SMIM3: variants seen among roughly 807,000 people sequenced by gnomAD.
The protein encoded by SMIM3 is small integral membrane protein 3, also known as NGF-induced differentiation clone 67 protein.
Under a neutral mutation model 2.1 loss-of-function variants are expected in SMIM3, and 4 were observed. That is an observed-to-expected ratio of 1.89 (90% CI 0.93 to 4.31). The LOEUF (loss-of-function observed/expected upper bound fraction) is 4.31, where lower values mean the gene tolerates loss of function less well. SMIM3 is among the 30% of genes most tolerant of loss of function. The pLI is 0.01. For synonymous variants in SMIM3, 29 were observed against 30.8 expected (o/e 0.94, Z 0.19); for missense variants, 79 against 77.7 (o/e 1.02, Z -0.06).
intron 1 of SMIM3, among the ~76,000 whole-genome samples, chr5:150,788,633 C>CAAAA (rs765111003): frequency 1.2e-5 from 1 of 80,020 alleles, no homozygotes; most frequent in Non-Finnish European, 3.0e-5. Context: ...GACTGTGTCT[C>CAAAA]AAAAAAAAAA....
chr5:150,795,499 T>G lies in SMIM3; in HGVS notation c.59T>G (p.Ile20Ser), dbSNP rs778753787. 5 of 1,613,800 alleles carry G rather than the reference T, an allele frequency of 3.1e-6. No individual in the cohort carries two copies. The South Asian group carries it at 5.5e-5, about 18-fold the overall frequency. ...EVVLPKHILD[I>S]WVIVLIILAT... ...GTGCTTCCCAAGCACATCCTGGATA[T>G]CTGGGTTATTGTCCTCATCATCCTG... Residue 20 changes from isoleucine to serine, a missense_variant, in exon 2 of 2, where the codon ATC becomes AGC. Physicochemically the swap from Ile to Ser is moderately radical, Grantham distance 142 (BLOSUM62 -2). Transcript: ENST00000526627.
At position 150,792,094 on chromosome 5, in the gene SMIM3, C is replaced by T. The variant is rs543075997; in HGVS notation, c.-11-3336C>T. ...TCCTTGTATGTATTTCTTGGGTACT[C>T]TCCTTTGGGTATGGTGATCAATACC... On this transcript the variant is annotated intron_variant, in intron 1 of 1. Coordinates refer to ENST00000526627, the MANE Select transcript of SMIM3 (RefSeq NM_032947.5). 3.9e-5 allele frequency among the ~76,000 whole-genome samples: 6 copies of T among 152,314 alleles called. No individual in the cohort carries two copies. The East Asian group carries it at 1.2e-3, about 29-fold the overall frequency.
Position 150,795,661 on chromosome 5 carries a change from G to T in SMIM3, c.*38G>T, listed in dbSNP as rs1285460485. The T allele has an allele frequency of 6.5e-7, 1 of 1,528,460 alleles. No homozygotes were observed. The highest frequency in any genetic ancestry group is 8.8e-7 in the Non-Finnish European group (1 of 1,139,790). 94.7% of individuals were successfully genotyped at this position (1,528,460 alleles called of 1,614,324 possible). On this transcript the variant is annotated 3_prime_UTR_variant, in exon 2 of 2. Coordinates refer to ENST00000526627, the MANE Select transcript of SMIM3 (RefSeq NM_032947.5). ...AGGGCCGGGTGAGGGATGAGGACAG[G>T]CATCCTATCCCCAGCCTCTTCCTGT...
In SMIM3 at chr5:150,780,593, G is replaced by A. The variant is rs550325504; in HGVS notation, c.-12+1621G>A. Among the ~76,000 whole-genome samples, 9 of 152,224 alleles carry A rather than the reference G, an allele frequency of 5.9e-5. No individual in the cohort carries two copies. In the South Asian group the frequency reaches 6.2e-4, roughly 11 times the overall value. ...AGAACAGCCAGAGAACCACTGAGTC[G>A]CGGTGAGGTGTTAGAGATGCAAAAC... is the stretch of plus-strand genomic sequence containing the variant. On this transcript the variant is annotated intron_variant, in intron 1 of 1. Transcript: ENST00000526627.
chr5:150,790,233 C>T (rs1753336346), intron 1 of SMIM3, among the ~76,000 whole-genome samples: 1 of 152,116 alleles, frequency 6.6e-6, no homozygotes, highest in Admixed American at 6.5e-5. Flanking sequence ...GCCTGAGTTC[C>T]TGTATCTTAC....
At chr5:150,795,069 G>A (rs574735074) in intron 1 of SMIM3, among the ~76,000 whole-genome samples, 1 of 152,248 alleles carries the variant, frequency 6.6e-6, no homozygotes, top group South Asian at 2.1e-4. Flanking sequence ...CACCCATCTG[G>A]GTTCATGTTC....
chr5:150,789,726 C>T (rs1023413506), intron 1 of SMIM3, among the ~76,000 whole-genome samples: 4 of 152,068 alleles, frequency 2.6e-5, no homozygotes, highest in Admixed American at 1.3e-4. Context: ...AAGAAAGAAC[C>T]GACTTTAATT....
chr5:150,791,055 A>C (rs948955291), intron 1 of SMIM3, among the ~76,000 whole-genome samples: 1 of 152,198 alleles, frequency 6.6e-6, no homozygotes, highest in Non-Finnish European at 1.5e-5. Context: ...AACGGCATAA[A>C]ATCATGTTTT....
At chr5:150,786,107 T>C (rs1753291386) in intron 1 of SMIM3, among the ~76,000 whole-genome samples, 1 of 145,324 alleles carries the variant, frequency 6.9e-6, no homozygotes, top group Admixed American at 6.6e-5. Context: ...CCTATTTCTT[T>C]TTCTGTATTT....
At chr5:150,779,814 AG>A (rs1287335877) in intron 1 of SMIM3, among the ~76,000 whole-genome samples, 1 of 149,914 alleles carries the variant, frequency 6.7e-6, no homozygotes, top group African/African-American at 2.5e-5. Context: ...ACTGAGTGAA[AG>A]GATGAAAGGT....
At chr5:150,793,756 G>C (rs1753373733) in intron 1 of SMIM3, among the ~76,000 whole-genome samples, 2 of 152,138 alleles carry the variant, frequency 1.3e-5, no homozygotes, top group Admixed American at 6.5e-5. Flanking sequence ...CTAGACATTG[G>C]CTTAGGCAAG....
chr5:150,779,986 T>C (rs965232974), intron 1 of SMIM3, among the ~76,000 whole-genome samples: 4 of 152,120 alleles, frequency 2.6e-5, no homozygotes, highest in African/African-American at 4.8e-5. Flanking sequence ...GGTTCATCTG[T>C]GGTGAATACT....
In SMIM3 at chr5:150,796,652, A is replaced by G. The variant is rs191234206; in HGVS notation, c.*1029A>G. Reference sequence around the variant, plus strand: ...AAGAAGATAGCACAGATATCGGGATATTATTGTGTGAAAATGCTGCTTTTA... The same window carrying G: ...AAGAAGATAGCACAGATATCGGGATGTTATTGTGTGAAAATGCTGCTTTTA... On this transcript the variant is annotated 3_prime_UTR_variant, in exon 2 of 2. Coordinates refer to ENST00000526627, the MANE Select transcript of SMIM3 (RefSeq NM_032947.5). 1 of 152,508 alleles carries G rather than the reference A, an allele frequency of 6.6e-6. No individual in the cohort carries two copies. Among genetic ancestry groups the G allele is most frequent in the African/African-American group, 2.4e-5 (1 of 41,592 alleles). 9.4% of individuals were successfully genotyped at this position (152,508 alleles called of 1,614,324 possible).
chr5:150,784,533 G>C (rs573643687), intron 1 of SMIM3, among the ~76,000 whole-genome samples: 1 of 152,190 alleles, frequency 6.6e-6, no homozygotes, highest in East Asian at 1.9e-4. Context: ...CTGAGATTAG[G>C]TACCTAAAAA....
At chr5:150,785,450 A>C (rs1753280847) in intron 1 of SMIM3, among the ~76,000 whole-genome samples, 1 of 152,058 alleles carries the variant, frequency 6.6e-6, no homozygotes, top group South Asian at 2.1e-4. Flanking sequence ...TGAAGAGATC[A>C]TTCTGCTGTT....
chr5:150,795,883 G>A lies in SMIM3; in HGVS notation c.*260G>A. 2.0e-6 allele frequency: 1 copy of A among 503,376 alleles called. No homozygotes were observed. Among genetic ancestry groups the A allele is most frequent in the Admixed American group, 3.3e-5 (1 of 30,378 alleles). The allele number at this position is 503,376 out of a possible 1,614,324, so 31.2% of individuals were successfully genotyped here. On this transcript the variant is annotated 3_prime_UTR_variant, in exon 2 of 2. Coordinates refer to ENST00000526627, the MANE Select transcript of SMIM3 (RefSeq NM_032947.5). ...GAGAACCACCTGACTTAGTGGATGT[G>A]AAAGCTGTTTGTGATCAGTAAAGCT...
chr5:150,785,583 T>TTC (rs1753283170), intron 1 of SMIM3, among the ~76,000 whole-genome samples: 2 of 105,552 alleles, frequency 1.9e-5, no homozygotes, highest in African/African-American at 1.2e-4. Context: ...TTCTTTTCTT[T>TTC]TTTTTTTTTT....
chr5:150,783,942 C>T (rs1160035470), intron 1 of SMIM3, among the ~76,000 whole-genome samples: 8 of 110,818 alleles, frequency 7.2e-5, no homozygotes, highest in South Asian at 3.0e-4. Flanking sequence ...TTTTTTGATA[C>T]GGAATCTCAC....
intron 1 of SMIM3, among the ~76,000 whole-genome samples, chr5:150,792,881 C>A (rs563531676): frequency 1.9e-4 from 29 of 152,256 alleles, no homozygotes; most frequent in African/African-American, 7.0e-4. Context: ...ATGGCAAGTA[C>A]TGGGCAAAAA....
Sources: gnomAD v4.1 joint callset for allele counts (sites outside exome capture counted in the v4.1 genomes callset) on GRCh38, gnomAD v4.1.1 for gene constraint, MANE v1.5 for transcripts, NCBI Gene and HGNC (gene_info 2026-07-23, HGNC 2026-07-21) for gene names.